PTPRD: variants seen among roughly 807,000 people sequenced by gnomAD.
PTPRD encodes receptor-type tyrosine-protein phosphatase delta.
A neutral mutation model predicts 214.5 loss-of-function variants in PTPRD; 34 were observed. The ratio of observed to expected loss-of-function variants is 0.16; its 90% CI spans 0.12 to 0.21. The LOEUF (loss-of-function observed/expected upper bound fraction) is 0.21, where lower values mean the gene tolerates loss of function less well. Ranked by LOEUF, PTPRD falls within the 10% of genes least tolerant of loss-of-function variation. The pLI is 1.00. For missense variants in PTPRD, 2,545 were observed against 2,398.7 expected, an observed-to-expected ratio of 1.06 and a Z score of -1.27; for synonymous variants, 1,128 against 845.7, an observed-to-expected ratio of 1.33 and a Z score of -5.79.
chr9:9,456,378 A>C (rs954469193), intron 8 of PTPRD, among the ~76,000 whole-genome samples: 3 of 151,890 alleles, frequency 2.0e-5, no homozygotes, highest in African/African-American at 7.2e-5. Flanking sequence ...AGATTGCTTT[A>C]GATAAAGATT....
chr9:8,450,230 A>T (rs1337273804), intron 33 of PTPRD, among the ~76,000 whole-genome samples: 2 of 152,202 alleles, frequency 1.3e-5, no homozygotes, highest in Non-Finnish European at 2.9e-5. Flanking sequence ...TTGTTACCAT[A>T]GAGAAACTAC....
intron 14 of PTPRD, among the ~76,000 whole-genome samples, chr9:8,538,571 T>C (rs755739878): frequency 3.3e-5 from 5 of 151,546 alleles, no homozygotes; most frequent in Non-Finnish European, 5.9e-5. Flanking sequence ...TAGTGTTGGA[T>C]TGGAACTAAT....
intron 2 of PTPRD, among the ~76,000 whole-genome samples, chr9:10,589,781 T>G (rs1287172267): frequency 2.0e-5 from 3 of 151,948 alleles, no homozygotes; most frequent in Non-Finnish European, 4.4e-5. Flanking sequence ...AAGCAAGCAT[T>G]AGAGGAGGTC....
At chr9:10,050,837 A>G (rs1456833806) in intron 3 of PTPRD, among the ~76,000 whole-genome samples, 3 of 152,048 alleles carry the variant, frequency 2.0e-5, no homozygotes, top group Non-Finnish European at 4.4e-5. Context: ...GTCTCCATAC[A>G]TACTGGACTC....
intron 34 of PTPRD, among the ~76,000 whole-genome samples, chr9:8,444,616 T>A (rs1190287596): frequency 6.6e-6 from 1 of 152,146 alleles, no homozygotes; most frequent in Non-Finnish European, 1.5e-5. Flanking sequence ...TTTCCCACCA[T>A]ATAATTATAA....
intron 2 of PTPRD, among the ~76,000 whole-genome samples, chr9:10,527,328 C>A (rs2054615746): frequency 2.0e-5 from 3 of 152,074 alleles, no homozygotes. Context: ...CCGTCTCAAA[C>A]AAATGAGATA....
Position 8,331,565 on chromosome 9 carries a change from C to T in PTPRD, c.5534+17G>A, listed in dbSNP as rs899321678. The T allele has an allele frequency of 6.3e-7, 1 of 1,599,052 alleles. No homozygotes were observed. The highest frequency in any genetic ancestry group is 1.4e-5 in the African/African-American group (1 of 70,498). On this transcript the variant is annotated intron_variant, in intron 44 of 45. Transcript: ENST00000381196. The stretch of plus-strand genomic sequence containing the variant: ...CACCACCACTTATCACTGCTTTATT[C>T]ACAAATGGAAACTTACCTGCAATGG...
chr9:10,205,542 A>G (rs535182008), intron 3 of PTPRD, among the ~76,000 whole-genome samples: 32 of 152,140 alleles, frequency 2.1e-4, no homozygotes, highest in African/African-American at 5.5e-4. Context: ...AGTAGCTGAG[A>G]TTACAGGTGT....
intron 3 of PTPRD, among the ~76,000 whole-genome samples, chr9:10,329,683 C>T (rs112428668): frequency 6.6e-6 from 1 of 151,694 alleles, no homozygotes; most frequent in Admixed American, 6.6e-5. Flanking sequence ...AAAAATAGAA[C>T]GTGTGAAATA....
rs544260668 is a variant in PTPRD at position 10,265,501 on chromosome 9, T to C, written c.-545+75462A>G. On this transcript the variant is annotated intron_variant, in intron 3 of 45. Transcript: ENST00000381196. The stretch of plus-strand genomic sequence containing the variant: ...GACAGAATTATGAGCTAACAAATGC[T>C]TGTTGTTTTAAGCCAGGGATGCAAA... 4.6e-5 allele frequency among the ~76,000 whole-genome samples: 7 copies of C among 152,314 alleles called. No individual in the cohort carries two copies. In the South Asian group the frequency reaches 1.0e-3, roughly 23 times the overall value.
At chr9:10,156,610 T>C (rs2099094919) in intron 3 of PTPRD, among the ~76,000 whole-genome samples, 1 of 152,214 alleles carries the variant, frequency 6.6e-6, no homozygotes, top group Non-Finnish European at 1.5e-5. Flanking sequence ...GTGTGTATTC[T>C]TGTTTTGGGG....
chr9:8,806,918 C>G (rs192314960), intron 11 of PTPRD, among the ~76,000 whole-genome samples: 208 of 152,240 alleles, frequency 1.4e-3, no homozygotes, highest in African/African-American at 4.7e-3. Flanking sequence ...AAATAAAAAC[C>G]TAATTCTGTC....
chr9:10,545,087 T>G (rs1405365853), intron 2 of PTPRD, among the ~76,000 whole-genome samples: 1 of 152,188 alleles, frequency 6.6e-6, no homozygotes, highest in Non-Finnish European at 1.5e-5. Flanking sequence ...CTGTTCCACT[T>G]TAAATATGGA....
At chr9:10,582,399 TA>T (rs1343426829) in intron 2 of PTPRD, among the ~76,000 whole-genome samples, 2 of 152,224 alleles carry the variant, frequency 1.3e-5, no homozygotes, top group Non-Finnish European at 2.9e-5. Flanking sequence ...AAAGTTATGC[TA>T]ATATCAATTT....
chr9:9,985,374 T>A (rs1474502011), intron 4 of PTPRD, among the ~76,000 whole-genome samples: 1 of 152,260 alleles, frequency 6.6e-6, no homozygotes, highest in African/African-American at 2.4e-5. Context: ...AAGTTTTTTT[T>A]AGACCTCTCC....
chr9:9,301,419 A>G (rs1459417590), intron 9 of PTPRD, among the ~76,000 whole-genome samples: 4 of 151,900 alleles, frequency 2.6e-5, no homozygotes, highest in Non-Finnish European at 5.9e-5. Context: ...CATCATAAAG[A>G]TGGTGGCACA....
intron 8 of PTPRD, among the ~76,000 whole-genome samples, chr9:9,481,396 G>A (rs2095408540): frequency 6.6e-6 from 1 of 152,106 alleles, no homozygotes; most frequent in East Asian, 1.9e-4. Context: ...ACATTACAGG[G>A]AAATTTTGAA....
chr9:9,681,218 A>G (rs2097062429), intron 7 of PTPRD, among the ~76,000 whole-genome samples: 1 of 151,792 alleles, frequency 6.6e-6, no homozygotes, highest in Admixed American at 6.6e-5. Context: ...TCTTACACTG[A>G]AACATAATGT....
intron 10 of PTPRD, among the ~76,000 whole-genome samples, chr9:9,062,428 A>G (rs1234028000): frequency 6.6e-6 from 1 of 152,134 alleles, no homozygotes; most frequent in East Asian, 1.9e-4. Context: ...AAGATTTGTG[A>G]GTATGTTTCT....
Sources: allele counts gnomAD v4.1 joint callset (sites outside exome capture counted in the v4.1 genomes callset), GRCh38; gene constraint gnomAD v4.1.1; transcripts MANE v1.5; gene names NCBI Gene and HGNC (gene_info 2026-07-23, HGNC 2026-07-21).